BANK1: variants seen among roughly 807,000 people sequenced by gnomAD.
BANK1 encodes B cell scaffold protein with ankyrin repeats 1.
In BANK1, 95 loss-of-function variants were observed where a neutral mutation model predicts 94.5. The ratio of observed to expected loss-of-function variants is 1.00; its 90% CI spans 0.85 to 1.19. The LOEUF (loss-of-function observed/expected upper bound fraction) is 1.19. Ranked by LOEUF, BANK1 falls within the 50% of genes most tolerant of loss-of-function variation. The probability of loss-of-function intolerance (pLI) is 0.00; values close to 1 mark genes in which losing one functional copy is unlikely to be tolerated. For missense variants in BANK1, 987 were observed against 932.2 expected (o/e 1.06, Z -0.77); for synonymous variants, 334 against 308.4 (o/e 1.08, Z -0.87).
chr4:101,878,109 T>TA, intron 5 of BANK1, among the ~76,000 whole-genome samples: 1 of 151,926 alleles, frequency 6.6e-6, no homozygotes, highest in East Asian at 1.9e-4. Context: ...TACTTATCAG[T>TA]AAAAACCTTA....
At chr4:102,010,648 C>T (rs1224297918) in intron 7 of BANK1, among the ~76,000 whole-genome samples, 1 of 152,130 alleles carries the variant, frequency 6.6e-6, no homozygotes, top group African/African-American at 2.4e-5. Context: ...CCACTTTGGC[C>T]TCCCAAAGGC....
At chr4:101,900,755 A>G (rs1234570731) in intron 6 of BANK1, among the ~76,000 whole-genome samples, 3 of 152,206 alleles carry the variant, frequency 2.0e-5, no homozygotes, top group Admixed American at 2.0e-4. Context: ...CAAAAGTTCT[A>G]CTTTGGCTAT....
intron 5 of BANK1, among the ~76,000 whole-genome samples, chr4:101,872,823 A>T (rs1170032994): frequency 1.3e-5 from 2 of 152,054 alleles, no homozygotes; most frequent in Admixed American, 1.3e-4. Flanking sequence ...CCCCATCTCT[A>T]CTAAAAATAC....
chr4:101,864,997 A>T (rs1389296352), intron 4 of BANK1, among the ~76,000 whole-genome samples: 1 of 152,038 alleles, frequency 6.6e-6, no homozygotes, highest in Non-Finnish European at 1.5e-5. Flanking sequence ...AGTTTCTATG[A>T]CCTGCCTTGG....
At chr4:101,795,205 G>A (rs1725115017) in intron 1 of BANK1, among the ~76,000 whole-genome samples, 1 of 151,994 alleles carries the variant, frequency 6.6e-6, no homozygotes, top group Non-Finnish European at 1.5e-5. Flanking sequence ...TAGCCTTCTT[G>A]TAATAGCTTC....
At chr4:101,936,350 T>C (rs1481775223) in intron 7 of BANK1, among the ~76,000 whole-genome samples, 4 of 150,314 alleles carry the variant, frequency 2.7e-5, no homozygotes, top group Non-Finnish European at 5.9e-5. Context: ...TACATATACA[T>C]GTATACATAC....
rs535840771 is a variant in BANK1 at position 102,074,442 on chromosome 4, G to A, written c.*443G>A. ...CACATTTTTGCTTTTTAAGTAGCTG[G>A]TTCATTTTCTGAATTTCTCACATTC... On this transcript the variant is annotated 3_prime_UTR_variant, in exon 17 of 17. Transcript: ENST00000322953. The A allele has an allele frequency of 6.6e-6, 1 of 151,958 alleles. No individual in the cohort carries two copies. Among genetic ancestry groups the A allele is most frequent in the East Asian group, 1.9e-4 (1 of 5,184 alleles). The allele number at this position is 151,958 out of a possible 1,614,324, so 9.4% of individuals were successfully genotyped here.
intron 7 of BANK1, among the ~76,000 whole-genome samples, chr4:101,975,913 C>A (rs928535086): frequency 6.6e-6 from 1 of 152,126 alleles, no homozygotes; most frequent in Admixed American, 6.6e-5. Flanking sequence ...TCCGTCCTTT[C>A]TCTGTGCGAA....
rs893857605 is a variant in BANK1 at position 102,012,828 on chromosome 4, A to G, written c.1207-8686A>G. ...ATCAAATTATCAAAGACTTGGAAGA[A>G]AGAACAAAAAAAAAATTGCCTCTTA... On this transcript the variant is annotated intron_variant, in intron 7 of 16. Transcript: ENST00000322953. 4.0e-5 allele frequency among the ~76,000 whole-genome samples: 6 copies of G among 151,458 alleles called. No homozygotes were observed. The South Asian group carries it at 8.4e-4, about 21-fold the overall frequency.
intron 7 of BANK1, among the ~76,000 whole-genome samples, chr4:102,006,888 A>C (rs1382797136): frequency 1.3e-5 from 2 of 150,584 alleles, no homozygotes; most frequent in Non-Finnish European, 3.0e-5. Flanking sequence ...GTGTCTCATC[A>C]ATCTACAGTG....
At chr4:102,015,204 A>T (rs1437457722) in intron 7 of BANK1, among the ~76,000 whole-genome samples, 2 of 152,102 alleles carry the variant, frequency 1.3e-5, no homozygotes, top group Admixed American at 1.3e-4. Context: ...TTATAAAGGA[A>T]TATAGCAATA....
At chr4:101,958,717 A>G (rs544767035) in intron 7 of BANK1, among the ~76,000 whole-genome samples, 32 of 152,284 alleles carry the variant, frequency 2.1e-4, no homozygotes, top group African/African-American at 7.7e-4. Flanking sequence ...ATCCCATGCA[A>G]TTGTGTGGAT....
intron 13 of BANK1, 75 bp from the exon 14 acceptor site, chr4:102,071,200 T>TA: frequency 1.3e-6 from 2 of 1,505,214 alleles, no homozygotes; most frequent in South Asian, 1.1e-5. Context: ...GTCCAACAAT[T>TA]AAAAAAATAA....
chr4:101,863,242 A>G (rs1352186339), intron 4 of BANK1, among the ~76,000 whole-genome samples: 1 of 152,010 alleles, frequency 6.6e-6, no homozygotes. Context: ...TCCAGATGGA[A>G]TAACCATAAT....
intron 7 of BANK1, among the ~76,000 whole-genome samples, chr4:102,005,545 A>G (rs1183816689): frequency 6.6e-6 from 1 of 152,094 alleles, no homozygotes; most frequent in African/African-American, 2.4e-5. Context: ...GCTAAGAAGG[A>G]TGGAAAGAAC....
chr4:101,862,548 T>C lies in BANK1; in HGVS notation c.647T>C (p.Ile216Thr). 2 of 1,605,898 alleles carry C rather than the reference T, an allele frequency of 1.2e-6. No homozygotes were observed. The highest frequency in any genetic ancestry group is 1.7e-6 in the Non-Finnish European group (2 of 1,176,900). Residue 216 changes from isoleucine to threonine, a missense_variant, in exon 4 of 17, where the codon ATT becomes ACT. Physicochemically the swap from Ile to Thr is moderately conservative, Grantham distance 89. Coordinates refer to ENST00000322953, the MANE Select transcript of BANK1 (RefSeq NM_017935.5). ...CAGAATCCTGGTGAAATATTCATAA[T>C]TTTGAGAGATGAAGTAATTGGTGAT... ...PCENPGEIFI[I>T]LRDEVIGDTV...
chr4:101,923,963 TG>T (rs1177979953), intron 7 of BANK1, among the ~76,000 whole-genome samples: 5 of 151,848 alleles, frequency 3.3e-5, no homozygotes, highest in Non-Finnish European at 7.4e-5. Context: ...CACAACTTAA[TG>T]GTAAGTACAT....
chr4:102,023,789 G>C (rs1726990228), intron 8 of BANK1, among the ~76,000 whole-genome samples: 1 of 152,186 alleles, frequency 6.6e-6, no homozygotes, highest in South Asian at 2.1e-4. Context: ...ATTTCCTATA[G>C]CGTGAATGTA....
At chr4:101,791,038 A>G (rs1161800707) in intron 1 of BANK1, 88 bp downstream of exon 1, 2 of 1,092,256 alleles carry the variant, frequency 1.8e-6, no homozygotes, top group African/African-American at 1.7e-5. Context: ...AGACAACTGC[A>G]CTCGGGCACT....
Sources: gnomAD v4.1 joint callset for allele counts (sites outside exome capture counted in the v4.1 genomes callset) on GRCh38, gnomAD v4.1.1 for gene constraint, MANE v1.5 for transcripts, NCBI Gene and HGNC (gene_info 2026-07-23, HGNC 2026-07-21) for gene names.